The following BACE2 variants were observed in gnomAD, a reference collection of about 807,000 sequenced individuals.
BACE2 encodes 56 kDa aspartic-like protease.
BACE2 carries 17 observed loss-of-function variants against 46.2 expected under a neutral mutation model. That is an observed-to-expected ratio of 0.37 (90% CI 0.25 to 0.55). The LOEUF is 0.55. Ranked by LOEUF, BACE2 falls within the 20% of genes least tolerant of loss-of-function variation. The pLI is 0.82. For missense variants in BACE2, 595 were observed against 698.1 expected, an observed-to-expected ratio of 0.85 and a Z score of 1.66; for synonymous variants, 277 against 295.9, an observed-to-expected ratio of 0.94 and a Z score of 0.66.
intron 1 of BACE2, among the ~76,000 whole-genome samples, chr21:41,201,578 G>A (rs925557780): frequency 1.3e-5 from 2 of 152,242 alleles, no homozygotes; most frequent in African/African-American, 4.8e-5. Context: ...TCAAAACCTG[G>A]CAGGCTCCTC....
intron 1 of BACE2, among the ~76,000 whole-genome samples, chr21:41,198,991 A>G (rs1042299191): frequency 6.6e-6 from 1 of 150,460 alleles, no homozygotes; most frequent in African/African-American, 2.4e-5. Context: ...CATTTACATT[A>G]GGTATATCTC....
At chr21:41,241,990 G>A in intron 4 of BACE2, 43 bp downstream of exon 4, 1 of 1,607,664 alleles carries the variant, frequency 6.2e-7, no homozygotes. Flanking sequence ...ATCACAGATG[G>A]ATGGGCTGTT....
At chr21:41,255,638 TGTA>T (rs2123626100) in intron 7 of BACE2, among the ~76,000 whole-genome samples, 1 of 152,300 alleles carries the variant, frequency 6.6e-6, no homozygotes, top group Admixed American at 6.5e-5. Context: ...CATTCACCGT[TGTA>T]GTGCTGGTGC....
intron 7 of BACE2, 113 bp downstream of exon 7, chr21:41,251,014 A>C: frequency 1.0e-5 from 11 of 1,094,378 alleles, no homozygotes; most frequent in East Asian, 5.3e-5. Context: ...CACCACAATA[A>C]TGCTGCAAAA....
intron 1 of BACE2, among the ~76,000 whole-genome samples, chr21:41,191,297 G>A (rs149944416): frequency 3.3e-5 from 5 of 152,320 alleles, no homozygotes; most frequent in African/African-American, 1.2e-4. Context: ...GGAGAACATG[G>A]TGAGACCAGT....
In BACE2 at chr21:41,275,918, G is replaced by T; in HGVS notation, c.*294G>T. 2.7e-6 allele frequency: 1 copy of T among 371,442 alleles called. No individual in the cohort carries two copies. Among genetic ancestry groups the T allele is most frequent in the South Asian group, 4.4e-5 (1 of 22,782 alleles). 23.0% of individuals were successfully genotyped at this position (371,442 alleles called of 1,614,324 possible). A position where few individuals can be genotyped will look rare whatever the true frequency, so the allele number is the denominator to read the frequency against. ...TCGTTATGCCAAAGTGTCTACATGTGCCACCAACATAAAACAAAACCAAGC... is the reference window on the plus strand; with the variant it reads ...TCGTTATGCCAAAGTGTCTACATGTTCCACCAACATAAAACAAAACCAAGC... On this transcript the variant is annotated 3_prime_UTR_variant, in exon 9 of 9. Coordinates refer to ENST00000330333, the MANE Select transcript of BACE2 (RefSeq NM_012105.5).
chr21:41,220,377 G>A (rs1179786056), intron 1 of BACE2, among the ~76,000 whole-genome samples: 5 of 152,178 alleles, frequency 3.3e-5, no homozygotes, highest in African/African-American at 1.2e-4. Flanking sequence ...CCCCAAGGTT[G>A]GGGGTGGGGC....
chr21:41,222,116 T>C (rs1019615412), intron 1 of BACE2, among the ~76,000 whole-genome samples: 3 of 152,224 alleles, frequency 2.0e-5, no homozygotes, highest in African/African-American at 7.2e-5. Flanking sequence ...TCAGACTCTC[T>C]GCACCTCAGT....
At chr21:41,236,943 C>A (rs8134647) in intron 2 of BACE2, among the ~76,000 whole-genome samples, 9,894 of 152,280 alleles carry the variant, frequency 0.065, 1,096 homozygotes, top group African/African-American at 0.22. Flanking sequence ...CATGTTTACA[C>A]CAGTGCGTCC....
intron 1 of BACE2, among the ~76,000 whole-genome samples, 194 bp downstream of exon 1, chr21:41,168,769 C>A (rs997568696): frequency 6.6e-6 from 1 of 152,046 alleles, no homozygotes; most frequent in African/African-American, 2.4e-5. Flanking sequence ...AGGACGGCAG[C>A]CCCCGCCCGG....
chr21:41,246,019 A>G lies in BACE2; in HGVS notation c.940A>G (p.Lys314Glu), dbSNP rs1361895078. The G allele has an allele frequency of 6.2e-7, 1 of 1,611,234 alleles. No homozygotes were observed. Among genetic ancestry groups the G allele is most frequent in the East Asian group, 2.2e-5 (1 of 44,800 alleles). Reference protein sequence around the residue: ...SGTTLLRLPQKVFDAVVEAVA... With the variant: ...SGTTLLRLPQEVFDAVVEAVA... ...CACCACGCTGCTGCGCCTGCCCCAG[A>G]AGGTGTTTGATGCGGTGGTGGAAGC... Residue 314 changes from lysine (K) to glutamate (E), a missense_variant, in exon 6 of 9, where the codon AAG becomes GAG. Transcript: ENST00000330333.
intron 1 of BACE2, among the ~76,000 whole-genome samples, chr21:41,205,504 C>T (rs1986096356): frequency 6.6e-6 from 1 of 152,158 alleles, no homozygotes; most frequent in South Asian, 2.1e-4. Flanking sequence ...ATTATTATTC[C>T]GTCATCTTTG....
At chr21:41,227,913 A>T (rs1196169999) in intron 2 of BACE2, among the ~76,000 whole-genome samples, 1 of 152,130 alleles carries the variant, frequency 6.6e-6, no homozygotes, top group Non-Finnish European at 1.5e-5. Context: ...GTCCCCAAAC[A>T]GCCCTCACCT....
chr21:41,225,466 C>G (rs1239918038), intron 1 of BACE2: 1 of 152,094 alleles, frequency 6.6e-6, no homozygotes, highest in Non-Finnish European at 1.5e-5. Context: ...AACATGAGGA[C>G]GTCTCAAAGA....
chr21:41,218,501 A>G (rs1986543631), intron 1 of BACE2, among the ~76,000 whole-genome samples: 1 of 152,200 alleles, frequency 6.6e-6, no homozygotes, highest in Non-Finnish European at 1.5e-5. Flanking sequence ...GTGAAGTCAG[A>G]GACAGGAGGA....
intron 1 of BACE2, among the ~76,000 whole-genome samples, chr21:41,199,947 G>C (rs1023714705): frequency 6.6e-6 from 1 of 151,202 alleles, no homozygotes; most frequent in African/African-American, 2.4e-5. Context: ...TGAGAATGAT[G>C]GTTTCCAGTT....
chr21:41,171,430 C>G (rs1293400866), intron 1 of BACE2, among the ~76,000 whole-genome samples: 1 of 152,232 alleles, frequency 6.6e-6, no homozygotes, highest in South Asian at 2.1e-4. Flanking sequence ...CCCAGTGACT[C>G]TGTGAGGAGT....
At chr21:41,225,011 G>A (rs1280268991) in intron 1 of BACE2, among the ~76,000 whole-genome samples, 2 of 152,158 alleles carry the variant, frequency 1.3e-5, no homozygotes, top group African/African-American at 4.8e-5. Flanking sequence ...GAGGCGGGCA[G>A]ATCACGACTT....
chr21:41,243,062 C>A (rs199960151), intron 4 of BACE2, among the ~76,000 whole-genome samples: 2 of 152,028 alleles, frequency 1.3e-5, no homozygotes, highest in Non-Finnish European at 2.9e-5. Flanking sequence ...TACAGGTGCG[C>A]GCCACCTTGC....
Sources: gnomAD v4.1 joint callset for allele counts (sites outside exome capture counted in the v4.1 genomes callset) on GRCh38, gnomAD v4.1.1 for gene constraint, MANE v1.5 for transcripts, NCBI Gene and HGNC (gene_info 2026-07-23, HGNC 2026-07-21) for gene names.